Variants in ZDHHC15 observed in about 807,000 individuals in gnomAD.
The protein encoded by ZDHHC15 is zDHHC palmitoyltransferase 15, also known as palmitoyltransferase ZDHHC15.
ZDHHC15 carries 19 observed loss-of-function variants against 31.7 expected under a neutral mutation model. The observed-to-expected ratio is 0.60, with a 90% CI of 0.42 to 0.88. The LOEUF (loss-of-function observed/expected upper bound fraction) is 0.88, where lower values mean the gene tolerates loss of function less well. Ranked by LOEUF, ZDHHC15 falls within the 40% of genes least tolerant of loss-of-function variation. The pLI, the probability that ZDHHC15 is intolerant of heterozygous loss-of-function variation, is 0.00. For missense variants in ZDHHC15, 209 were observed against 251.2 expected (o/e 0.83, Z 1.14); for synonymous variants, 103 against 90.0 (o/e 1.14, Z -0.82).
At chrX:75,458,620 T>C (rs965182940) in intron 3 of ZDHHC15, among the ~76,000 whole-genome samples, 7 of 110,040 alleles carry the variant, frequency 6.4e-5, no homozygotes, top group African/African-American at 2.3e-4. Context: ...TCAGGTAGAG[T>C]GAGAATTAAG....
chrX:75,372,383 TTGATATAGCGA>T lies in ZDHHC15; in HGVS notation c.*584_*594del, dbSNP rs1042140927. On this transcript the variant is annotated 3_prime_UTR_variant, in exon 12 of 12. Coordinates refer to ENST00000373367, the MANE Select transcript of ZDHHC15 (RefSeq NM_144969.3). The stretch of plus-strand genomic sequence containing the variant: ...ATTCACCCTCCCAAATTTTAGATAC[TTGATATAGCGA>T]TGATTCAAAGTCTAGCAAATATTTA... 5 of 111,929 alleles carry T rather than the reference TTGATATAGCGA, an allele frequency of 4.5e-5. No individual in the cohort carries two copies. Among genetic ancestry groups the T allele is most frequent in the Admixed American group, 1.9e-4 (2 of 10,468 alleles). 9.2% of individuals were successfully genotyped at this position (111,929 alleles called of 1,213,427 possible).
chrX:75,445,506 G>C (rs1221517952), intron 4 of ZDHHC15, among the ~76,000 whole-genome samples: 5 of 111,984 alleles, frequency 4.5e-5, no homozygotes, highest in Non-Finnish European at 7.5e-5. Context: ...ACTGAACAAA[G>C]TGCTAAAAGA....
At position 75,492,110 on chromosome X, in the gene ZDHHC15, C is replaced by G. The variant is rs554319577; in HGVS notation, c.164-13125G>C. 4.6e-4 allele frequency among the ~76,000 whole-genome samples: 51 copies of G among 110,633 alleles called. 1 individual carries two copies. The highest frequency in any genetic ancestry group is 3.4e-3 in the South Asian group (9 of 2,621). ...GGATGGAGGAAGATCTACCAAGCAA[C>G]TGGAAAACAAAAAAAGGCAGGGGTT... is the stretch of plus-strand genomic sequence containing the variant. On this transcript the variant is annotated intron_variant, in intron 2 of 11. Coordinates refer to ENST00000373367, the MANE Select transcript of ZDHHC15 (RefSeq NM_144969.3).
chrX:75,508,685 A>C (rs956677461), intron 1 of ZDHHC15, among the ~76,000 whole-genome samples: 2 of 110,657 alleles, frequency 1.8e-5, no homozygotes, highest in African/African-American at 6.6e-5. Flanking sequence ...GCTGGGTCAA[A>C]TGGTATTTCT....
intron 10 of ZDHHC15, among the ~76,000 whole-genome samples, chrX:75,402,020 T>A (rs2147796644): frequency 8.9e-6 from 1 of 111,784 alleles, no homozygotes; most frequent in Non-Finnish European, 1.9e-5. Context: ...AGTAAAAGAA[T>A]GAAAATCTTA....
chrX:75,406,709 C>CAA (rs34310729), intron 10 of ZDHHC15, among the ~76,000 whole-genome samples: 16 of 71,206 alleles, frequency 2.2e-4, no homozygotes, highest in African/African-American at 7.2e-4. Context: ...AGTCTTCCAT[C>CAA]AAAAAAAAAA....
chrX:75,478,294 G>A (rs775466864), intron 3 of ZDHHC15, among the ~76,000 whole-genome samples: 1 of 111,889 alleles, frequency 8.9e-6, no homozygotes, highest in Non-Finnish European at 1.9e-5. Flanking sequence ...TACTAAAATA[G>A]TAGTTTCATA....
intron 2 of ZDHHC15, among the ~76,000 whole-genome samples, chrX:75,487,758 A>G (rs1273711725): frequency 8.9e-6 from 1 of 112,048 alleles, no homozygotes; most frequent in Non-Finnish European, 1.9e-5. Flanking sequence ...AAAGGTGAAA[A>G]CCAGCTTAAA....
chrX:75,411,433 C>T (rs909553338), intron 10 of ZDHHC15, among the ~76,000 whole-genome samples: 1 of 112,202 alleles, frequency 8.9e-6, no homozygotes, highest in East Asian at 2.8e-4. Context: ...AGGATGGTCT[C>T]GATCTCCTGA....
chrX:75,499,660 C>A (rs1193401292), intron 2 of ZDHHC15, among the ~76,000 whole-genome samples: 1 of 111,855 alleles, frequency 8.9e-6, no homozygotes, highest in African/African-American at 3.2e-5. Context: ...AAAGGGAACA[C>A]TTTTACACTG....
At chrX:75,472,446 T>G (rs1182723751) in intron 3 of ZDHHC15, among the ~76,000 whole-genome samples, 2 of 112,086 alleles carry the variant, frequency 1.8e-5, no homozygotes, top group Non-Finnish European at 1.9e-5. Flanking sequence ...TGCAATTATA[T>G]ACTGATTCAT....
intron 10 of ZDHHC15, among the ~76,000 whole-genome samples, chrX:75,391,923 A>G (rs868787457): frequency 1.1e-4 from 12 of 112,183 alleles, no homozygotes; most frequent in Non-Finnish European, 1.1e-4. Context: ...TAGGCAGTAC[A>G]ATAAGATACA....
At chrX:75,474,565 C>T (rs1223586176) in intron 3 of ZDHHC15, among the ~76,000 whole-genome samples, 3 of 78,827 alleles carry the variant, frequency 3.8e-5, no homozygotes, top group Non-Finnish European at 4.8e-5. Context: ...TATATATAAT[C>T]CCCTTTATAC....
chrX:75,389,316 C>T (rs1451727885), intron 10 of ZDHHC15, among the ~76,000 whole-genome samples: 1 of 110,780 alleles, frequency 9.0e-6, no homozygotes, highest in Non-Finnish European at 1.9e-5. Flanking sequence ...AATCCTGGTG[C>T]TTTGCTGGGC....
intron 1 of ZDHHC15, among the ~76,000 whole-genome samples, chrX:75,507,049 G>GAA (rs2085178187): frequency 9.0e-6 from 1 of 111,287 alleles, no homozygotes; most frequent in Non-Finnish European, 1.9e-5. Flanking sequence ...TCCAGGTGGG[G>GAA]AACAGCTATC....
intron 3 of ZDHHC15, among the ~76,000 whole-genome samples, chrX:75,474,577 C>CACACAG (rs2084566904): frequency 1.4e-4 from 1 of 7,170 alleles, no homozygotes; most frequent in Non-Finnish European, 1.5e-3. Flanking sequence ...CCTTTATACA[C>CACACAG]ACACACACAC....
At chrX:75,468,482 G>T (rs939727916) in intron 3 of ZDHHC15, among the ~76,000 whole-genome samples, 1 of 111,970 alleles carries the variant, frequency 8.9e-6, no homozygotes, top group Non-Finnish European at 1.9e-5. Flanking sequence ...TGAAAATTTG[G>T]ACTGTTTCTA....
chrX:75,406,390 A>G (rs966392345), intron 10 of ZDHHC15, among the ~76,000 whole-genome samples: 4 of 111,533 alleles, frequency 3.6e-5, no homozygotes, highest in Non-Finnish European at 7.5e-5. Context: ...AAAGCAATAC[A>G]GAAGACCAAT....
intron 2 of ZDHHC15, among the ~76,000 whole-genome samples, chrX:75,482,808 C>T (rs938064215): frequency 1.4e-4 from 15 of 110,020 alleles, no homozygotes; most frequent in Non-Finnish European, 2.1e-4. Flanking sequence ...TCCATGCTGA[C>T]GAGGTCTCTC....
Sources: allele counts gnomAD v4.1 joint callset (sites outside exome capture counted in the v4.1 genomes callset), GRCh38; gene constraint gnomAD v4.1.1; transcripts MANE v1.5; gene names NCBI Gene and HGNC (gene_info 2026-07-23, HGNC 2026-07-21).